The following ARHGEF10L variants were observed in gnomAD, a reference collection of about 807,000 sequenced individuals.
ARHGEF10L encodes the protein rho guanine nucleotide exchange factor 10-like protein.
A neutral mutation model predicts 141.2 loss-of-function variants in ARHGEF10L; 69 were observed. The ratio of observed to expected loss-of-function variants is 0.49; its 90% confidence interval spans 0.40 to 0.60. The LOEUF is 0.60. ARHGEF10L is among the 20% of genes least tolerant of loss of function. The pLI is 0.00. For missense variants in ARHGEF10L, 1,482 were observed against 1,734.3 expected, an observed-to-expected ratio of 0.85 and a Z score of 2.58; for synonymous variants, 711 against 718.5, an observed-to-expected ratio of 0.99 and a Z score of 0.17.
At chr1:17,549,801 T>A (rs1442826022) in intron 1 of ARHGEF10L, among the ~76,000 whole-genome samples, 1 of 152,196 alleles carries the variant, frequency 6.6e-6, no homozygotes, top group Non-Finnish European at 1.5e-5. Context: ...GTTAAGAAAT[T>A]CACCTTTTTC....
chr1:17,632,895 C>T (rs2060782977), intron 16 of ARHGEF10L, among the ~76,000 whole-genome samples: 1 of 152,250 alleles, frequency 6.6e-6, no homozygotes, highest in South Asian at 2.1e-4. Context: ...GGAGCATCAT[C>T]ATCGGCCCAG....
rs1478668710 is a variant in ARHGEF10L at position 17,644,017 on chromosome 1, C to T, written c.2272+3715C>T. On this transcript the variant is annotated intron_variant, in intron 21 of 28. Transcript: ENST00000361221. The surrounding 1 kb of genome is among the most constrained non-coding windows in gnomAD (Gnocchi z 4.5). ...GTACCCTCCCCCGCCACCACCTGCT[C>T]TGCTCACAAAGCTGCATTGCTGCCT... Among the ~76,000 whole-genome samples, 1 of 152,212 alleles carries T rather than the reference C, an allele frequency of 6.6e-6. No homozygotes were observed. Among genetic ancestry groups the T allele is most frequent in the Non-Finnish European group, 1.5e-5 (1 of 68,038 alleles).
chr1:17,586,519 G>A (rs1446131187), intron 2 of ARHGEF10L, among the ~76,000 whole-genome samples: 4 of 152,186 alleles, frequency 2.6e-5, no homozygotes, highest in African/African-American at 9.7e-5. Flanking sequence ...TAGGAAGGAA[G>A]TCTTCTAGGA....
chr1:17,640,631 GAGGTGATGAAAATGTTC>G lies in ARHGEF10L; in HGVS notation c.2272+330_2272+346del, dbSNP rs538302590. ...TGCTAGACTGCTAGGGGTTTTGGTG[GAGGTGATGAAAATGTTC>G]TAAAATTAGATGGTGGTGATTGCTC... On this transcript the variant is annotated intron_variant, in intron 21 of 28. Transcript: ENST00000361221. Among the ~76,000 whole-genome samples the G allele has an allele frequency of 4.1e-4, 63 of 152,300 alleles. No individual in the cohort carries two copies. In the South Asian group the frequency reaches 0.011, roughly 28 times the overall value.
intron 28 of ARHGEF10L, among the ~76,000 whole-genome samples, chr1:17,696,127 T>C (rs2065477646): frequency 6.6e-6 from 1 of 151,538 alleles, no homozygotes; most frequent in Admixed American, 6.6e-5. Flanking sequence ...GCAAGAGAAT[T>C]TCTTGAACCC....
chr1:17,559,576 A>C (rs780961620), intron 1 of ARHGEF10L, among the ~76,000 whole-genome samples: 33 of 151,856 alleles, frequency 2.2e-4, no homozygotes, highest in Non-Finnish European at 3.2e-4. Flanking sequence ...AGGTAGGAAA[A>C]CTCTAAACAG....
At chr1:17,596,302 C>G (rs1317826493) in intron 4 of ARHGEF10L, among the ~76,000 whole-genome samples, 1 of 152,244 alleles carries the variant, frequency 6.6e-6, no homozygotes, top group Non-Finnish European at 1.5e-5. Flanking sequence ...ACCTGGGCTG[C>G]GTGTTCTTCC....
Position 17,625,103 on chromosome 1 carries a change from CA to C in ARHGEF10L, c.1317+601del, listed in dbSNP as rs1446683388. Among the ~76,000 whole-genome samples, 1 of 152,200 alleles carries C rather than the reference CA, an allele frequency of 6.6e-6. No homozygotes were observed. Among genetic ancestry groups the C allele is most frequent in the Non-Finnish European group, 1.5e-5 (1 of 68,042 alleles). The stretch of plus-strand genomic sequence containing the variant: ...TGTGCCGGCAGCACAGGTTAGATGC[CA>C]CGGCCTCAGTGGAGGAACCCACTGT... On this transcript the variant is annotated intron_variant, in intron 13 of 28. Transcript: ENST00000361221. This position sits in a 1 kb window ranked among gnomAD's most constrained non-coding sequence, Gnocchi z 4.5.
In ARHGEF10L at chr1:17,636,072, G is replaced by A. The variant is rs139062372; in HGVS notation, c.1927+1056G>A. On this transcript the variant is annotated intron_variant, in intron 18 of 28. Transcript: ENST00000361221. ...GGGTAGGAAGAGTCCTCTGCCCCACGTGCCTTCCTCGGAGGCACCTTCTGC... is the reference window on the plus strand; with the variant it reads ...GGGTAGGAAGAGTCCTCTGCCCCACATGCCTTCCTCGGAGGCACCTTCTGC... Among the ~76,000 whole-genome samples the A allele has an allele frequency of 6.2e-3, 948 of 152,222 alleles. 10 individuals are homozygous for A. The highest frequency in any genetic ancestry group is 0.017 in the South Asian group (82 of 4,812).
intron 2 of ARHGEF10L, among the ~76,000 whole-genome samples, chr1:17,582,826 C>T (rs573604655): frequency 1.9e-4 from 29 of 152,180 alleles, no homozygotes; most frequent in African/African-American, 4.8e-4. Context: ...TCACCCACCC[C>T]GAACCCCAGG....
intron 1 of ARHGEF10L, among the ~76,000 whole-genome samples, chr1:17,561,454 A>G (rs898949881): frequency 6.6e-6 from 1 of 152,206 alleles, no homozygotes; most frequent in African/African-American, 2.4e-5. Flanking sequence ...CCTTGCAGTC[A>G]GAGGCAGCCC....
chr1:17,599,485 T>C (rs2080431719), intron 4 of ARHGEF10L, among the ~76,000 whole-genome samples: 1 of 152,220 alleles, frequency 6.6e-6, no homozygotes. Context: ...CAACCTCTTC[T>C]AAGCTCACGT....
At chr1:17,635,305 T>C (rs1183261116) in intron 18 of ARHGEF10L, among the ~76,000 whole-genome samples, 1 of 152,128 alleles carries the variant, frequency 6.6e-6, no homozygotes, top group East Asian at 1.9e-4. Context: ...TGGCTGCTCT[T>C]CCTCCCTCCT....
At chr1:17,557,818 C>T (rs1429506136) in intron 1 of ARHGEF10L, among the ~76,000 whole-genome samples, 1 of 152,142 alleles carries the variant, frequency 6.6e-6, no homozygotes, top group Non-Finnish European at 1.5e-5. Context: ...ACGGTGATTA[C>T]ATAGGGATGA....
At chr1:17,559,571 G>C (rs1453877025) in intron 1 of ARHGEF10L, among the ~76,000 whole-genome samples, 4 of 152,198 alleles carry the variant, frequency 2.6e-5, no homozygotes, top group African/African-American at 4.8e-5. Flanking sequence ...GATTGAGGTA[G>C]GAAAACTCTA....
At position 17,615,701 on chromosome 1, in the gene ARHGEF10L, T is replaced by A. The variant is rs2059769051; in HGVS notation, c.727-393T>A. 1.1e-5 allele frequency: 2 copies of A among 175,426 alleles called. No individual in the cohort carries two copies. Among genetic ancestry groups the A allele is most frequent in the African/African-American group, 4.7e-5 (2 of 42,692 alleles). The allele number at this position is 175,426 out of a possible 1,614,324, so 10.9% of individuals were successfully genotyped here. On this transcript the variant is annotated intron_variant, in intron 8 of 28. Coordinates refer to ENST00000361221, the MANE Select transcript of ARHGEF10L (RefSeq NM_018125.4). The surrounding 1 kb of genome is among the most constrained non-coding windows in gnomAD (Gnocchi z 4.7). ...AAGGATCGGTATTGCTGTTCCTCAG[T>A]TTTGCCTGGGGAAATGGAGGCTCAG... is the stretch of plus-strand genomic sequence containing the variant.
intron 28 of ARHGEF10L, 46 bp from the exon 29 acceptor site, chr1:17,696,802 G>A (rs2065536111): frequency 6.7e-7 from 1 of 1,501,528 alleles, no homozygotes; most frequent in Non-Finnish European, 8.9e-7. Context: ...TTCCCTTAAT[G>A]CGCTGGGCCT....
At chr1:17,516,334 G>A in the ARHGEF10L span, among the ~76,000 whole-genome samples, 1 of 152,272 alleles carries the variant, frequency 6.6e-6, no homozygotes, top group Non-Finnish European at 1.5e-5. Flanking sequence ...CCCTCCTCGG[G>A]CCTTTGCAGG....
chr1:17,609,906 C>G (rs904762071), intron 7 of ARHGEF10L, among the ~76,000 whole-genome samples: 1 of 152,118 alleles, frequency 6.6e-6, no homozygotes, highest in South Asian at 2.1e-4. Context: ...CCACTCCCCC[C>G]AGTAGCCTCT....
Sources: allele counts gnomAD v4.1 joint callset (sites outside exome capture counted in the v4.1 genomes callset), GRCh38; gene constraint gnomAD v4.1.1; non-coding constraint Gnocchi (gnomAD v3.1); transcripts MANE v1.5; gene names NCBI Gene and HGNC (gene_info 2026-07-23, HGNC 2026-07-21).